SH3D19: variants seen among roughly 807,000 people sequenced by gnomAD.
SH3D19 encodes SH3 domain-containing protein 19.
In SH3D19, 58 loss-of-function variants were observed where a neutral mutation model predicts 112.1. The ratio of observed to expected loss-of-function variants is 0.52; its 90% CI spans 0.42 to 0.64. SH3D19 has a LOEUF of 0.64. SH3D19 is among the 30% of genes least tolerant of loss of function. The probability of loss-of-function intolerance (pLI) is 0.00; values close to 1 mark genes in which losing one functional copy is unlikely to be tolerated. For synonymous variants in SH3D19, 391 were observed against 448.5 expected, an observed-to-expected ratio of 0.87 and a Z score of 1.62; for missense variants, 1,090 against 1,263.4, an observed-to-expected ratio of 0.86 and a Z score of 2.08.
In SH3D19 at chr4:151,120,916, T is replaced by G. The variant is rs1423313498; in HGVS notation, c.*1175A>C. ...TTTGGATGATTGTCTTCAACCTATT[T>G]GGCTCTAGCCCATAAATTGTAATTG... On this transcript the variant is annotated 3_prime_UTR_variant, in exon 20 of 20. Coordinates refer to ENST00000604030, the MANE Select transcript of SH3D19 (RefSeq NM_001378122.1). The G allele has an allele frequency of 6.6e-6, 1 of 152,668 alleles. No homozygotes were observed. The highest frequency in any genetic ancestry group is 1.5e-5 in the Non-Finnish European group (1 of 68,046). 9.5% of individuals were successfully genotyped at this position (152,668 alleles called of 1,614,324 possible).
intron 1 of SH3D19, chr4:151,282,112 C>T: frequency 6.2e-7 from 1 of 1,607,266 alleles, no homozygotes; most frequent in Non-Finnish European, 8.5e-7. Flanking sequence ...GACCCAGCTG[C>T]AGGCCATAAG....
chr4:151,304,742 C>T (rs1728775892), intron 1 of SH3D19, among the ~76,000 whole-genome samples: 1 of 152,036 alleles, frequency 6.6e-6, no homozygotes, highest in Non-Finnish European at 1.5e-5. Flanking sequence ...CCCACATATT[C>T]CTGGGAATCT....
intron 17 of SH3D19, among the ~76,000 whole-genome samples, chr4:151,130,195 A>G (rs1198084189): frequency 6.6e-6 from 1 of 152,180 alleles, no homozygotes; most frequent in Non-Finnish European, 1.5e-5. Context: ...TAATCCTAGT[A>G]CCTTGGGAGG....
intron 2 of SH3D19, among the ~76,000 whole-genome samples, chr4:151,216,876 AC>A (rs1767193665): frequency 2.5e-5 from 3 of 119,956 alleles, no homozygotes; most frequent in African/African-American, 9.9e-5. Flanking sequence ...ACAAAACAAC[AC>A]TGTGTGTGTG....
At chr4:151,284,225 C>T (rs555785281) in intron 1 of SH3D19, among the ~76,000 whole-genome samples, 2 of 152,240 alleles carry the variant, frequency 1.3e-5, no homozygotes, top group East Asian at 1.9e-4. Context: ...TTAAGTTATA[C>T]CTTTTGGTAT....
intron 1 of SH3D19, among the ~76,000 whole-genome samples, chr4:151,300,214 T>C (rs867644849): frequency 6.6e-6 from 1 of 150,694 alleles, no homozygotes; most frequent in East Asian, 1.9e-4. Context: ...AAAAAAAAAA[T>C]GTCAACCTAG....
intron 1 of SH3D19, among the ~76,000 whole-genome samples, chr4:151,239,127 G>T (rs1268199124): frequency 6.6e-6 from 1 of 152,150 alleles, no homozygotes; most frequent in Non-Finnish European, 1.5e-5. Context: ...ATCTTCCACA[G>T]GCAGAAATAA....
intron 1 of SH3D19, among the ~76,000 whole-genome samples, chr4:151,315,707 C>G (rs1729913765): frequency 6.6e-6 from 1 of 152,028 alleles, no homozygotes; most frequent in African/African-American, 2.4e-5. Flanking sequence ...ATCCCATCTA[C>G]TTGGGAGGCA....
intron 11 of SH3D19, among the ~76,000 whole-genome samples, chr4:151,145,402 A>G (rs1185751066): frequency 6.6e-6 from 1 of 152,078 alleles, no homozygotes; most frequent in Admixed American, 6.5e-5. Flanking sequence ...CAACTAATCA[A>G]TCGACCTTGT....
intron 7 of SH3D19, among the ~76,000 whole-genome samples, chr4:151,173,412 A>C (rs1759402382): frequency 6.6e-6 from 1 of 152,238 alleles, no homozygotes; most frequent in African/African-American, 2.4e-5. Flanking sequence ...TCCTGACTTG[A>C]ACAATTGTTT....
At chr4:151,192,749 C>T (rs10005764) in intron 2 of SH3D19, among the ~76,000 whole-genome samples, 2,794 of 152,298 alleles carry the variant, frequency 0.018, 83 homozygotes, top group African/African-American at 0.063. Context: ...ACACAGACCT[C>T]TGTTCCTTTA....
chr4:151,294,201 A>G (rs1775547349), intron 1 of SH3D19, among the ~76,000 whole-genome samples: 1 of 152,256 alleles, frequency 6.6e-6, no homozygotes. Flanking sequence ...AAAAAAATCA[A>G]TGAGTAATAT....
intron 2 of SH3D19, among the ~76,000 whole-genome samples, chr4:151,200,989 T>C (rs375261153): frequency 3.7e-4 from 56 of 152,328 alleles, no homozygotes; most frequent in Middle Eastern, 6.8e-3. Flanking sequence ...ATGTTAACAA[T>C]AGTTGATTCT....
In SH3D19 at chr4:151,320,442, T is replaced by G. The variant is rs192152117; in HGVS notation, c.112+4799A>C. Among the ~76,000 whole-genome samples, 98 of 152,206 alleles carry G rather than the reference T, an allele frequency of 6.4e-4. 1 individual carries two copies. Among genetic ancestry groups the G allele is most frequent in the African/African-American group, 2.2e-3 (92 of 41,542 alleles). ...CTTTTAGGGGACAATAAAGGAAATA[T>G]AGGAGAATATTTTCATGACCTTGGA... is the stretch of plus-strand genomic sequence containing the variant. On this transcript the variant is annotated intron_variant, in intron 1 of 19. Transcript: ENST00000604030.
At chr4:151,183,288 G>A (rs1030093956) in intron 3 of SH3D19, among the ~76,000 whole-genome samples, 1 of 152,010 alleles carries the variant, frequency 6.6e-6, no homozygotes, top group African/African-American at 2.4e-5. Flanking sequence ...CACAGTGCCT[G>A]GCCTATTTTC....
chr4:151,158,251 G>T (rs1046079634), intron 9 of SH3D19, among the ~76,000 whole-genome samples: 1 of 152,042 alleles, frequency 6.6e-6, no homozygotes, highest in African/African-American at 2.4e-5. Context: ...CAGGAGCTTT[G>T]TCATGGGCTT....
chr4:151,124,210 G>A (rs774181624), intron 19 of SH3D19, among the ~76,000 whole-genome samples: 1 of 151,864 alleles, frequency 6.6e-6, no homozygotes, highest in African/African-American at 2.4e-5. Flanking sequence ...AGGTTCAAGA[G>A]ATTCTCCTGC....
intron 15 of SH3D19, among the ~76,000 whole-genome samples, chr4:151,134,068 T>A (rs1261540221): frequency 2.0e-5 from 3 of 152,192 alleles, no homozygotes; most frequent in Non-Finnish European, 4.4e-5. Flanking sequence ...GATCAATGGG[T>A]CAATGACTGT....
At chr4:151,259,807 A>AATTCAGG (rs1772234644) in intron 1 of SH3D19, among the ~76,000 whole-genome samples, 1 of 152,200 alleles carries the variant, frequency 6.6e-6, no homozygotes, top group Non-Finnish European at 1.5e-5. Flanking sequence ...CTACTCTCAG[A>AATTCAGG]CTTCAGGCTT....
Sources: allele counts gnomAD v4.1 joint callset (sites outside exome capture counted in the v4.1 genomes callset), GRCh38; gene constraint gnomAD v4.1.1; transcripts MANE v1.5; gene names NCBI Gene and HGNC (gene_info 2026-07-23, HGNC 2026-07-21).